AKIRIN2: variants seen among roughly 807,000 people sequenced by gnomAD.
The protein encoded by AKIRIN2 is akirin 2.
In AKIRIN2, 6 loss-of-function variants were observed where a neutral mutation model predicts 29.3. The ratio of observed to expected loss-of-function variants is 0.20; its 90% CI spans 0.11 to 0.40. The LOEUF is 0.40. Ranked by LOEUF, AKIRIN2 falls within the 10% of genes least tolerant of loss-of-function variation. AKIRIN2 has a pLI of 1.00. For synonymous variants in AKIRIN2, 128 were observed against 117.5 expected, an observed-to-expected ratio of 1.09 and a Z score of -0.58; for missense variants, 210 against 276.1, an observed-to-expected ratio of 0.76 and a Z score of 1.70.
chr6:87,680,542 AT>A (rs1771103254), intron 2 of AKIRIN2, among the ~76,000 whole-genome samples: 1 of 151,962 alleles, frequency 6.6e-6, no homozygotes, highest in South Asian at 2.1e-4. Context: ...AAGTGCTGGG[AT>A]TACAGGCATG....
chr6:87,690,206 CAAA>C (rs36001292), intron 1 of AKIRIN2, among the ~76,000 whole-genome samples: 1 of 115,198 alleles, frequency 8.7e-6, no homozygotes. Context: ...AACTCCATCT[CAAA>C]AAAAAAAAAA....
At chr6:87,686,082 G>A (rs1175537927) in intron 1 of AKIRIN2, among the ~76,000 whole-genome samples, 1 of 152,088 alleles carries the variant, frequency 6.6e-6, no homozygotes, top group African/African-American at 2.4e-5. Context: ...GGGTGTGGTG[G>A]CGGGCCCCTG....
At position 87,676,022 on chromosome 6, in the gene AKIRIN2, C is replaced by A; in HGVS notation, c.530-91G>T. On this transcript the variant is annotated intron_variant, in intron 3 of 4. Transcript: ENST00000257787. Reference sequence around the variant, plus strand: ...ACACAAAATATACAGTAAAACAATTCTAAGTTGACAAAATCACTTACATAA... The same window carrying A: ...ACACAAAATATACAGTAAAACAATTATAAGTTGACAAAATCACTTACATAA... 4.7e-6 allele frequency: 5 copies of A among 1,073,868 alleles called. No individual in the cohort carries two copies. In the South Asian group the frequency reaches 5.7e-5, roughly 12 times the overall value. 66.5% of individuals were successfully genotyped at this position (1,073,868 alleles called of 1,614,324 possible).
At chr6:87,695,299 C>T (rs952520026) in intron 1 of AKIRIN2, among the ~76,000 whole-genome samples, 17 of 147,232 alleles carry the variant, frequency 1.2e-4, no homozygotes, top group African/African-American at 3.9e-4. Context: ...GTTGGAGTCA[C>T]ATTTTTTGTC....
At position 87,677,950 on chromosome 6, in the gene AKIRIN2, A is replaced by G; in HGVS notation, c.397T>C (p.Ser133Pro). ...GGCTGTTCTTTTTTTAATGGTGAGG[A>G]TGCTGCAGATGAAGTCCCTATGTAC... ...PASPGTSSAA[S>P]SPLKKEQPLF... The change falls in exon 3 of 5, where the codon TCC becomes CCC. Residue 133 changes from serine to proline, a missense_variant. This residue lies in a region of AKIRIN2 where 199 missense variants were observed against 236.5 expected (regional missense o/e 0.84). Coordinates refer to ENST00000257787, the MANE Select transcript of AKIRIN2 (RefSeq NM_018064.4). 2 of 1,613,842 alleles carry G rather than the reference A, an allele frequency of 1.2e-6. No individual in the cohort carries two copies. Among genetic ancestry groups the G allele is most frequent in the Non-Finnish European group, 1.7e-6 (2 of 1,179,928 alleles).
At chr6:87,701,307 G>A (rs940864595) in intron 1 of AKIRIN2, 143 bp downstream of exon 1, 2 of 761,780 alleles carry the variant, frequency 2.6e-6, no homozygotes, top group African/African-American at 1.9e-5. Flanking sequence ...AGGACCTAGT[G>A]AAAAACGTGG....
intron 1 of AKIRIN2, among the ~76,000 whole-genome samples, chr6:87,684,644 A>C (rs748381429): frequency 4.2e-4 from 64 of 152,146 alleles, no homozygotes; most frequent in Middle Eastern, 3.4e-3. Context: ...GTAGACTTTT[A>C]TGTCTGAACT....
rs2128303647 is a variant in AKIRIN2, at chr6:87,701,968, C to G, written c.-284G>C. ...AGGGGGGTTCTTCCGCCTCCTCAGG[C>G]GCGGCTCCCCCGAGAGAGGCTCCGG... On this transcript the variant is annotated 5_prime_UTR_variant, in exon 1 of 5. Transcript: ENST00000257787. 2 of 399,524 alleles carry G rather than the reference C, an allele frequency of 5.0e-6. 1 individual carries two copies. Among genetic ancestry groups the G allele is most frequent in the Admixed American group, 8.8e-5 (2 of 22,682 alleles). The allele number at this position is 399,524 out of a possible 1,614,324, so 24.7% of individuals were successfully genotyped here. A position where few individuals can be genotyped will look rare whatever the true frequency, so the allele number is the denominator to read the frequency against.
chr6:87,695,359 T>C (rs73498196), intron 1 of AKIRIN2, among the ~76,000 whole-genome samples: 119 of 152,232 alleles, frequency 7.8e-4, no homozygotes, highest in African/African-American at 1.7e-3. Flanking sequence ...AAAAAGAAAA[T>C]TTGGTACAGA....
At chr6:87,676,614 CACACACACACACAA>C (rs1165663467) in intron 3 of AKIRIN2, among the ~76,000 whole-genome samples, 1 of 150,158 alleles carries the variant, frequency 6.7e-6, no homozygotes, top group African/African-American at 2.5e-5. Flanking sequence ...CACACACACA[CACACACACACACAA>C]ACATAGCTGG....
In AKIRIN2 at chr6:87,701,592, C is replaced by T; in HGVS notation, c.93G>A (p.Ser31=). The T allele has an allele frequency of 7.0e-7, 1 of 1,431,090 alleles. No homozygotes were observed. 88.6% of individuals were successfully genotyped at this position (1,431,090 alleles called of 1,614,324 possible). A position where few individuals can be genotyped will look rare whatever the true frequency, so the allele number is the denominator to read the frequency against. ...SPKRRRCAPL[S]APTSAAASPL... The stretch of plus-strand genomic sequence containing the variant: ...GGGAGGCAGCGGCCGAGGTGGGCGC[C>T]GACAATGGCGCACATCGCCTGCGCT... Residue 31 remains serine, a synonymous_variant, in exon 1 of 5, where the codon TCG becomes TCA. Coordinates refer to ENST00000257787, the MANE Select transcript of AKIRIN2 (RefSeq NM_018064.4).
In AKIRIN2 at chr6:87,702,175, T is replaced by C. The variant is rs1771482517; in HGVS notation, c.-491A>G. ...CGATGCAGAGAGATTGCGAGGTAGC[T>C]GCCGCAGCAGGAACCCAAGCGAACA... On this transcript the variant is annotated 5_prime_UTR_variant, in exon 1 of 5. Coordinates refer to ENST00000257787, the MANE Select transcript of AKIRIN2 (RefSeq NM_018064.4). The C allele has an allele frequency of 5.0e-6, 2 of 398,262 alleles. No individual in the cohort carries two copies. Among genetic ancestry groups the C allele is most frequent in the Admixed American group, 4.4e-5 (1 of 22,712 alleles). The allele number at this position is 398,262 out of a possible 1,614,324, so 24.7% of individuals were successfully genotyped here.
intron 1 of AKIRIN2, among the ~76,000 whole-genome samples, chr6:87,696,471 A>C (rs762323881): frequency 7.1e-6 from 1 of 141,198 alleles, no homozygotes; most frequent in Non-Finnish European, 1.6e-5. Flanking sequence ...GGAGGCTGAG[A>C]CGGGCAGATC....
chr6:87,678,460 C>A (rs1270485654), intron 2 of AKIRIN2, among the ~76,000 whole-genome samples: 2 of 152,078 alleles, frequency 1.3e-5, no homozygotes, highest in East Asian at 3.9e-4. Context: ...CGAGATCACG[C>A]CATTGCACTC....
intron 1 of AKIRIN2, 74 bp from the exon 2 acceptor site, chr6:87,681,837 T>C: frequency 1.6e-6 from 2 of 1,266,830 alleles, no homozygotes; most frequent in Non-Finnish European, 2.1e-6. Flanking sequence ...TCCAACATTA[T>C]TTAGTAGACC....
At chr6:87,680,342 C>T (rs1472931447) in intron 2 of AKIRIN2, among the ~76,000 whole-genome samples, 1 of 140,136 alleles carries the variant, frequency 7.1e-6, no homozygotes, top group Non-Finnish European at 1.5e-5. Flanking sequence ...AGTGCAATGG[C>T]GCGATCTCTG....
At chr6:87,694,978 T>C (rs1011823940) in intron 1 of AKIRIN2, among the ~76,000 whole-genome samples, 1 of 152,216 alleles carries the variant, frequency 6.6e-6, no homozygotes, top group Non-Finnish European at 1.5e-5. Flanking sequence ...CTGCTTAATA[T>C]AGATACAATA....
rs906490891 is a variant in AKIRIN2 at position 87,702,210 on chromosome 6, G to A, written c.-526C>T. 5.0e-6 allele frequency: 2 copies of A among 397,614 alleles called. No individual in the cohort carries two copies. The highest frequency in any genetic ancestry group is 8.9e-6 in the Non-Finnish European group (2 of 225,672). 24.6% of individuals were successfully genotyped at this position (397,614 alleles called of 1,614,324 possible). A position where few individuals can be genotyped will look rare whatever the true frequency, so the allele number is the denominator to read the frequency against. ...GGAACCCAAGCGAACACGTCCAACCGCTTCCCCTCCCTCGTAGAACTCTCC... is the reference window on the plus strand; with the variant it reads ...GGAACCCAAGCGAACACGTCCAACCACTTCCCCTCCCTCGTAGAACTCTCC... On this transcript the variant is annotated 5_prime_UTR_variant, in exon 1 of 5. Coordinates refer to ENST00000257787, the MANE Select transcript of AKIRIN2 (RefSeq NM_018064.4).
chr6:87,701,293 T>TACGA (rs1771459712), intron 1 of AKIRIN2, among the ~76,000 whole-genome samples, 157 bp downstream of exon 1: 1 of 152,018 alleles, frequency 6.6e-6, no homozygotes, highest in African/African-American at 2.4e-5. Context: ...GTCCTCGGGC[T>TACGA]ACGAGGACCT....
Sources: gnomAD v4.1 joint callset for allele counts (sites outside exome capture counted in the v4.1 genomes callset) on GRCh38, gnomAD v4.1.1 for gene constraint, gnomAD v4.1.1 regional missense constraint, MANE v1.5 for transcripts, NCBI Gene and HGNC (gene_info 2026-07-23, HGNC 2026-07-21) for gene names.